Variants in C6orf163 observed in about 807,000 individuals in gnomAD.
C6orf163 encodes uncharacterized protein C6orf163.
In C6orf163, 22 loss-of-function variants were observed where a neutral mutation model predicts 28.4. The ratio of observed to expected loss-of-function variants is 0.78; its 90% CI spans 0.55 to 1.11. The LOEUF is 1.11. C6orf163 is among the 50% of genes least tolerant of loss of function. C6orf163 has a pLI of 0.00. For missense variants in C6orf163, 342 were observed against 389.1 expected (o/e 0.88, Z 1.02); for synonymous variants, 110 against 123.6 (o/e 0.89, Z 0.73).
At chr6:87,356,555 C>A (rs1777505758) in intron 4 of C6orf163, 52 bp downstream of exon 4, 2 of 1,501,410 alleles carry the variant, frequency 1.3e-6, no homozygotes, top group East Asian at 2.5e-5. Flanking sequence ...TCAAAATCAA[C>A]CTGGAGAAAC....
chr6:87,350,337 A>G, intron 2 of C6orf163, 57 bp from the exon 3 acceptor site: 4 of 1,107,072 alleles, frequency 3.6e-6, no homozygotes, highest in Non-Finnish European at 5.1e-6. Context: ...AAATAAGCCA[A>G]GTTTGCTTGT....
At chr6:87,347,083 C>T (rs1469227227) in intron 1 of C6orf163, among the ~76,000 whole-genome samples, 1 of 152,194 alleles carries the variant, frequency 6.6e-6, no homozygotes, top group African/African-American at 2.4e-5. Flanking sequence ...GCTGTTCCAT[C>T]ACCACAAAGG....
intron 4 of C6orf163, among the ~76,000 whole-genome samples, chr6:87,363,274 A>G (rs1400400316): frequency 6.6e-6 from 1 of 152,030 alleles, no homozygotes; most frequent in Non-Finnish European, 1.5e-5. Context: ...GAGACCCTTC[A>G]AGGTCCCTGA....
intron 4 of C6orf163, among the ~76,000 whole-genome samples, chr6:87,362,921 T>C (rs1582112053): frequency 6.6e-6 from 1 of 152,308 alleles, no homozygotes; most frequent in East Asian, 1.9e-4. Flanking sequence ...ACTGCAGAAA[T>C]CCACTGGAAA....
rs559854295 is a variant in C6orf163 at position 87,351,932 on chromosome 6, A to AG, written c.351+1433dup. ...CATTTTGAATGTCCTTCCTGGCATT[A>AG]GGTTGTAAAGACATAAGGAAGATGT... On this transcript the variant is annotated intron_variant, in intron 3 of 4. Transcript: ENST00000388923. Among the ~76,000 whole-genome samples, 67 of 152,298 alleles carry AG rather than the reference A, an allele frequency of 4.4e-4. 1 individual carries two copies. Among genetic ancestry groups the AG allele is most frequent in the African/African-American group, 1.6e-3 (66 of 41,562 alleles).
intron 1 of C6orf163, 22 bp downstream of exon 1, chr6:87,345,269 C>T (rs1339138898): frequency 6.6e-7 from 1 of 1,506,468 alleles, no homozygotes; most frequent in Non-Finnish European, 8.8e-7. Flanking sequence ...TATCGTTTTC[C>T]TTTGTTCTAA....
At chr6:87,348,713 G>A (rs1777366456) in intron 1 of C6orf163, 99 bp from the exon 2 acceptor site, 1 of 1,468,766 alleles carries the variant, frequency 6.8e-7, no homozygotes, top group Non-Finnish European at 9.0e-7. Context: ...AAAAGGACGT[G>A]TCTCCTAAAT....
intron 4 of C6orf163, chr6:87,358,243 G>A (rs763480662): frequency 4.0e-5 from 6 of 151,846 alleles, no homozygotes; most frequent in African/African-American, 1.2e-4. Flanking sequence ...ACAGAAAACC[G>A]TTTTGTGGAT....
chr6:87,350,251 A>T, intron 2 of C6orf163, 143 bp from the exon 3 acceptor site: 1 of 618,526 alleles, frequency 1.6e-6, no homozygotes, highest in Non-Finnish European at 2.8e-6. Context: ...TGAGATGGGA[A>T]TGGGGCAAGA....
At chr6:87,355,184 A>G (rs199702631) in intron 3 of C6orf163, among the ~76,000 whole-genome samples, 3 of 152,250 alleles carry the variant, frequency 2.0e-5, no homozygotes, top group Non-Finnish European at 2.9e-5. Flanking sequence ...CCTGGCTTCT[A>G]TCCCTAGTTC....
intron 2 of C6orf163, 22 bp from the exon 3 acceptor site, chr6:87,350,371 TA>T: frequency 7.1e-7 from 1 of 1,417,746 alleles, no homozygotes; most frequent in Non-Finnish European, 9.6e-7. Flanking sequence ...CATTAATAGA[TA>T]AATGGACTCT....
rs1777535170 is a variant in C6orf163 at position 87,358,299 on chromosome 6, C to T, written c.554+1796C>T. The T allele has an allele frequency of 2.0e-5, 3 of 151,034 alleles. No homozygotes were observed. In the South Asian group the frequency reaches 6.3e-4, roughly 32 times the overall value. The allele number at this position is 151,034 out of a possible 1,614,324, so 9.4% of individuals were successfully genotyped here. A position where few individuals can be genotyped will look rare whatever the true frequency, so the allele number is the denominator to read the frequency against. ...CAGATTGCCCAGGAGACACTGGACT[C>T]TTTCTCTTAAAGTTAAAAAAAAAAA... On this transcript the variant is annotated intron_variant, in intron 4 of 4. Transcript: ENST00000388923.
intron 4 of C6orf163, among the ~76,000 whole-genome samples, chr6:87,361,500 G>A (rs1468753015): frequency 6.6e-6 from 1 of 152,114 alleles, no homozygotes; most frequent in African/African-American, 2.4e-5. Context: ...TCCCATTTGG[G>A]TGAGAGGAAA....
rs779428855 is a variant in C6orf163, at chr6:87,348,838, GAA to G, written c.176_177del (p.Glu59GlyfsTer18). ...LDIGANILKK[E>X]EQFQEDILRE... is the part of the protein sequence containing the mutation. ...TATTGGGGCAAATATTCTGAAAAAA[GAA>G]GAGCAGTTTCAAGAAGATATACTCA... On this transcript the variant is annotated frameshift_variant, in exon 2 of 5. Coordinates refer to ENST00000388923, the MANE Select transcript of C6orf163 (RefSeq NM_001010868.3). LOFTEE classifies it high-confidence loss of function. The G allele has an allele frequency of 2.6e-6, 4 of 1,537,286 alleles. No individual in the cohort carries two copies. The highest frequency in any genetic ancestry group is 1.4e-5 in the African/African-American group (1 of 73,038).
At chr6:87,352,772 ATGT>A (rs1016487599) in intron 3 of C6orf163, among the ~76,000 whole-genome samples, 1 of 152,172 alleles carries the variant, frequency 6.6e-6, no homozygotes, top group Non-Finnish European at 1.5e-5. Context: ...AAAGAGAGAA[ATGT>A]TGTGACTCAC....
intron 2 of C6orf163, among the ~76,000 whole-genome samples, chr6:87,349,888 A>G (rs991739436): frequency 3.3e-5 from 5 of 152,208 alleles, no homozygotes; most frequent in African/African-American, 7.2e-5. Flanking sequence ...ATAGTCTACA[A>G]TTTGAATGTA....
intron 1 of C6orf163, 68 bp downstream of exon 1, chr6:87,345,315 A>T: frequency 7.2e-7 from 1 of 1,388,436 alleles, no homozygotes; most frequent in South Asian, 1.6e-5. Context: ...TTTCTGTTAC[A>T]TAGACTTTTA....
intron 1 of C6orf163, chr6:87,347,341 ATCCTGTT>A: frequency 1.1e-6 from 1 of 935,624 alleles, no homozygotes; most frequent in Non-Finnish European, 1.3e-6. Flanking sequence ...CTTTGCAGGG[ATCCTGTT>A]GTACAATCAG....
rs890623212 is a variant in C6orf163, at chr6:87,348,159, A to T, written c.149-653A>T. The T allele has an allele frequency of 1.4e-5, 14 of 979,804 alleles. No homozygotes were observed. The African/African-American group carries it at 1.9e-4, about 13-fold the overall frequency. 60.7% of individuals were successfully genotyped at this position (979,804 alleles called of 1,614,324 possible). Reference sequence around the variant, plus strand: ...TACAAAGCAAGACTCCCTCTCAAAAAAAAAGAGAAATCCCAGTGGAAAAAG... The same window carrying T: ...TACAAAGCAAGACTCCCTCTCAAAATAAAAGAGAAATCCCAGTGGAAAAAG... On this transcript the variant is annotated intron_variant, in intron 1 of 4. Transcript: ENST00000388923.
Sources: allele counts gnomAD v4.1 joint callset (sites outside exome capture counted in the v4.1 genomes callset), GRCh38; gene constraint gnomAD v4.1.1; transcripts MANE v1.5; gene names NCBI Gene and HGNC (gene_info 2026-07-23, HGNC 2026-07-21).